The following GAB1 variants were observed in gnomAD, a reference collection of about 807,000 sequenced individuals.
GAB1 encodes the protein GRB2-associated-binding protein 1.
A neutral mutation model predicts 66.5 loss-of-function variants in GAB1; 19 were observed. The ratio of observed to expected loss-of-function variants is 0.29; its 90% CI spans 0.20 to 0.42. The LOEUF (loss-of-function observed/expected upper bound fraction) is 0.42. Ranked by LOEUF, GAB1 falls within the 10% of genes least tolerant of loss-of-function variation. GAB1 has a pLI of 1.00. For missense variants in GAB1, 732 were observed against 858.5 expected, an observed-to-expected ratio of 0.85 and a Z score of 1.84; for synonymous variants, 294 against 301.4, an observed-to-expected ratio of 0.98 and a Z score of 0.25.
Position 143,470,225 on chromosome 4 carries a change from A to G in GAB1, c.*1036A>G, listed in dbSNP as rs1290634215. The G allele has an allele frequency of 6.6e-6, 1 of 152,130 alleles. No individual in the cohort carries two copies. The highest frequency in any genetic ancestry group is 1.5e-5 in the Non-Finnish European group (1 of 68,006). 9.4% of individuals were successfully genotyped at this position (152,130 alleles called of 1,614,324 possible). On this transcript the variant is annotated 3_prime_UTR_variant, in exon 10 of 10. Coordinates refer to ENST00000262994, the MANE Select transcript of GAB1 (RefSeq NM_002039.4). ...CTTTTGACACCATAGTGCCCTTTCTATGATTTTTTTTACTTAATATTCTTC... is the reference window on the plus strand; with the variant it reads ...CTTTTGACACCATAGTGCCCTTTCTGTGATTTTTTTTACTTAATATTCTTC...
chr4:143,415,525 G>T lies in GAB1; in HGVS notation c.121G>T (p.Asp41Tyr). Residue 41 changes from aspartate to tyrosine, a missense_variant, in exon 2 of 10, where the codon GAT becomes TAT. By Grantham distance (160) the Asp-to-Tyr change is radical (BLOSUM62 -3). Around this residue, in one of 4 missense-constraint regions of GAB1, gnomAD observed 66 missense variants for 130.3 expected, o/e 0.51. Coordinates refer to ENST00000262994, the MANE Select transcript of GAB1 (RefSeq NM_002039.4). ...FVLRSGRLTGDPDVLEYYKND... is the reference protein window; with the variant it reads ...FVLRSGRLTGYPDVLEYYKND... ...GTTACGCAGTGGCCGTTTAACTGGAGATCCAGATGTTTTGGAATATTACAA... is the reference window on the plus strand; with the variant it reads ...GTTACGCAGTGGCCGTTTAACTGGATATCCAGATGTTTTGGAATATTACAA... The T allele has an allele frequency of 6.2e-7, 1 of 1,613,344 alleles. No individual in the cohort carries two copies.
intron 1 of GAB1, among the ~76,000 whole-genome samples, chr4:143,369,335 C>T (rs1404874236): frequency 6.6e-6 from 1 of 152,116 alleles, no homozygotes; most frequent in African/African-American, 2.4e-5. Flanking sequence ...CCTCAGCCTC[C>T]CAAAGTGCTG....
At chr4:143,439,985 C>G in intron 5 of GAB1, 94 bp from the exon 6 acceptor site, 1 of 1,399,728 alleles carries the variant, frequency 7.1e-7, no homozygotes. Context: ...AATAAAAGTA[C>G]GCTGAGATCC....
intron 1 of GAB1, among the ~76,000 whole-genome samples, chr4:143,367,046 T>C (rs182168487): frequency 2.0e-5 from 3 of 152,306 alleles, no homozygotes; most frequent in East Asian, 3.9e-4. Context: ...CAGTTTTAGC[T>C]TGTGCTTTTT....
chr4:143,461,636 G>A (rs1158807908), intron 8 of GAB1, among the ~76,000 whole-genome samples: 1 of 152,192 alleles, frequency 6.6e-6, no homozygotes, highest in African/African-American at 2.4e-5. Flanking sequence ...ACTTAGATCC[G>A]AGGAACAGTG....
intron 1 of GAB1, among the ~76,000 whole-genome samples, chr4:143,359,040 T>C (rs902598595): frequency 1.3e-5 from 2 of 152,082 alleles, no homozygotes; most frequent in Non-Finnish European, 2.9e-5. Context: ...GCTTGTCCCG[T>C]TTGGTAGGTT....
At chr4:143,437,280 T>C (rs1452400410) in intron 3 of GAB1, among the ~76,000 whole-genome samples, 1 of 152,216 alleles carries the variant, frequency 6.6e-6, no homozygotes, top group Non-Finnish European at 1.5e-5. Context: ...AGCTTCATCT[T>C]GTCGTATACC....
At chr4:143,440,413 G>T in intron 6 of GAB1, 31 bp downstream of exon 6, 1 of 1,549,892 alleles carries the variant, frequency 6.5e-7, no homozygotes, top group South Asian at 1.2e-5. Flanking sequence ...TAAAAGGCTT[G>T]GGGAGTGCCA....
chr4:143,394,471 A>G (rs1372795742), intron 1 of GAB1, among the ~76,000 whole-genome samples: 3 of 152,208 alleles, frequency 2.0e-5, no homozygotes, highest in Non-Finnish European at 4.4e-5. Context: ...CTATTGCAGA[A>G]ATAAATTTTT....
chr4:143,365,466 A>G (rs1325358386), intron 1 of GAB1, among the ~76,000 whole-genome samples: 1 of 152,196 alleles, frequency 6.6e-6, no homozygotes, highest in Non-Finnish European at 1.5e-5. Flanking sequence ...AGAAGACACC[A>G]AGATGTGCTT....
At chr4:143,457,780 T>C in intron 6 of GAB1, 5 of 1,394,474 alleles carry the variant, frequency 3.6e-6, no homozygotes, top group South Asian at 2.5e-5. Context: ...GTATGTACTT[T>C]AGCACCGCAT....
At chr4:143,411,473 G>C (rs1232267496) in intron 1 of GAB1, among the ~76,000 whole-genome samples, 2 of 152,142 alleles carry the variant, frequency 1.3e-5, no homozygotes, top group Non-Finnish European at 2.9e-5. Context: ...GATTTTTTGT[G>C]TGAATTTCTT....
intron 1 of GAB1, among the ~76,000 whole-genome samples, chr4:143,355,669 T>A (rs1452684941): frequency 1.3e-5 from 2 of 151,896 alleles, no homozygotes; most frequent in South Asian, 4.2e-4. Flanking sequence ...TATGTGGGAT[T>A]TGCTCACCTG....
At chr4:143,442,944 G>A (rs1178002451) in intron 6 of GAB1, among the ~76,000 whole-genome samples, 1 of 150,216 alleles carries the variant, frequency 6.7e-6, no homozygotes, top group Non-Finnish European at 1.5e-5. Flanking sequence ...AATAGACTTA[G>A]CAAAACAGTA....
At chr4:143,407,979 A>C (rs1308931746) in intron 1 of GAB1, among the ~76,000 whole-genome samples, 2 of 152,170 alleles carry the variant, frequency 1.3e-5, no homozygotes, top group Non-Finnish European at 2.9e-5. Context: ...AATTAAAGCA[A>C]TATATTATAA....
chr4:143,340,188 C>T (rs564278390), intron 1 of GAB1, among the ~76,000 whole-genome samples: 60 of 152,256 alleles, frequency 3.9e-4, no homozygotes, highest in South Asian at 1.2e-3. Flanking sequence ...TGTATACGTG[C>T]ATTTCCTATG....
chr4:143,423,724 C>T (rs1050669591), intron 2 of GAB1, among the ~76,000 whole-genome samples: 1 of 141,912 alleles, frequency 7.0e-6, no homozygotes, highest in African/African-American at 2.6e-5. Context: ...TTGCAATGAG[C>T]CAGATCGCGC....
chr4:143,387,329 C>G (rs2149682668), intron 1 of GAB1, among the ~76,000 whole-genome samples: 1 of 152,296 alleles, frequency 6.6e-6, no homozygotes, highest in South Asian at 2.1e-4. Flanking sequence ...CAGGATTTCT[C>G]CATGTTGGTC....
chr4:143,383,522 A>T (rs1048570120), intron 1 of GAB1, among the ~76,000 whole-genome samples: 2 of 152,108 alleles, frequency 1.3e-5, no homozygotes, highest in Non-Finnish European at 2.9e-5. Context: ...ATTACTTGTA[A>T]CTCTACTACT....
Sources: allele counts gnomAD v4.1 joint callset (sites outside exome capture counted in the v4.1 genomes callset), GRCh38; gene constraint gnomAD v4.1.1; regional missense constraint gnomAD v4.1.1; transcripts MANE v1.5; gene names NCBI Gene and HGNC (gene_info 2026-07-23, HGNC 2026-07-21).